Variants in SDK1 observed in about 807,000 individuals in gnomAD.
SDK1 encodes protein sidekick-1.
Under a neutral mutation model 245.5 loss-of-function variants are expected in SDK1, and 157 were observed. That is an observed-to-expected ratio of 0.64 (90% CI 0.56 to 0.73). The LOEUF is 0.73. SDK1 is among the 30% of genes least tolerant of loss of function. The pLI, the probability that SDK1 is intolerant of heterozygous loss-of-function variation, is 0.00. For synonymous variants in SDK1, 1,647 were observed against 1,278.5 expected (o/e 1.29, Z -6.15); for missense variants, 3,583 against 3,002.3 (o/e 1.19, Z -4.52).
At chr7:3,773,593 T>G (rs1249321415) in intron 4 of SDK1, among the ~76,000 whole-genome samples, 2 of 152,194 alleles carry the variant, frequency 1.3e-5, no homozygotes, top group African/African-American at 2.4e-5. Context: ...ACTTTCTTAT[T>G]TCTTTGTATG....
At chr7:3,940,896 A>G (rs1780342341) in intron 5 of SDK1, among the ~76,000 whole-genome samples, 1 of 151,776 alleles carries the variant, frequency 6.6e-6, no homozygotes, top group African/African-American at 2.4e-5. Context: ...CACTCCTCAC[A>G]CTCTCATGGA....
At chr7:3,962,084 CAT>C (rs1781741983) in intron 8 of SDK1, among the ~76,000 whole-genome samples, 1 of 152,176 alleles carries the variant, frequency 6.6e-6, no homozygotes, top group African/African-American at 2.4e-5. Flanking sequence ...CATGCACATA[CAT>C]ATACACACAC....
chr7:3,340,198 C>G (rs1391633155), intron 1 of SDK1, among the ~76,000 whole-genome samples: 1 of 151,752 alleles, frequency 6.6e-6, no homozygotes, highest in Non-Finnish European at 1.5e-5. Context: ...TGTAGGCATA[C>G]CTCAGAGATG....
intron 1 of SDK1, among the ~76,000 whole-genome samples, chr7:3,381,855 G>T (rs182298176): frequency 1.4e-4 from 22 of 152,288 alleles, no homozygotes; most frequent in Non-Finnish European, 2.8e-4. Flanking sequence ...GTGTATGTCT[G>T]TAGAGTGCCA....
rs565756985 is a variant in SDK1, at chr7:4,226,964, T to C, written c.5827+5600T>C. ...TTTTTTTTTTTTCTTAAATAATGTG[T>C]GTAGCCCAGAGACGAGGGCAGGTGG... On this transcript the variant is annotated intron_variant, in intron 40 of 44. Transcript: ENST00000404826. 1.0e-3 allele frequency among the ~76,000 whole-genome samples: 152 copies of C among 151,556 alleles called. 1 individual carries two copies. Among genetic ancestry groups the C allele is most frequent in the African/African-American group, 3.6e-3 (149 of 41,200 alleles).
In SDK1 at chr7:4,266,897, C is replaced by T. The variant is rs1583211520; in HGVS notation, c.*1513C>T. ...CAGTGCACGGCAAACGGGCAGGTGC[C>T]GTTCCCCCAGTGACCTGAGGGTAGG... is the stretch of plus-strand genomic sequence containing the variant. On this transcript the variant is annotated 3_prime_UTR_variant, in exon 45 of 45. Coordinates refer to ENST00000404826, the MANE Select transcript of SDK1 (RefSeq NM_152744.4). 5 of 985,404 alleles carry T rather than the reference C, an allele frequency of 5.1e-6. No homozygotes were observed. Among genetic ancestry groups the T allele is most frequent in the South Asian group, 4.7e-5 (1 of 21,294 alleles). 61.0% of individuals were successfully genotyped at this position (985,404 alleles called of 1,614,324 possible). A position where few individuals can be genotyped will look rare whatever the true frequency, so the allele number is the denominator to read the frequency against.
At chr7:4,093,521 T>G (rs992676011) in intron 22 of SDK1, among the ~76,000 whole-genome samples, 1 of 150,104 alleles carries the variant, frequency 6.7e-6, no homozygotes, top group African/African-American at 2.4e-5. Flanking sequence ...ATAGTAGCCA[T>G]TTTCTTAGAA....
At position 4,118,580 on chromosome 7, in the gene SDK1, G is replaced by A. The variant is rs537025154; in HGVS notation, c.3823+4306G>A. Among the ~76,000 whole-genome samples, 118 of 152,310 alleles carry A rather than the reference G, an allele frequency of 7.7e-4. 1 individual carries two copies. Among genetic ancestry groups the A allele is most frequent in the African/African-American group, 2.8e-3 (116 of 41,554 alleles). ...ACAAAGCAACTCTACTCCTAGGTAT[G>A]TACCCAAGAGAGCAGAAAACATATG... On this transcript the variant is annotated intron_variant, in intron 25 of 44. Coordinates refer to ENST00000404826, the MANE Select transcript of SDK1 (RefSeq NM_152744.4).
At chr7:3,578,958 A>G (rs1266524736) in intron 1 of SDK1, among the ~76,000 whole-genome samples, 3 of 151,982 alleles carry the variant, frequency 2.0e-5, no homozygotes, top group Non-Finnish European at 2.9e-5. Flanking sequence ...AGATTAAAGT[A>G]AGACAGGTGT....
intron 2 of SDK1, among the ~76,000 whole-genome samples, chr7:3,638,430 T>C (rs1365123143): frequency 1.3e-5 from 2 of 151,842 alleles, no homozygotes; most frequent in Admixed American, 6.6e-5. Context: ...GTGGCACATA[T>C]ACACCATGGA....
chr7:3,668,225 G>T (rs1039136258), intron 4 of SDK1, among the ~76,000 whole-genome samples: 1 of 152,198 alleles, frequency 6.6e-6, no homozygotes, highest in Non-Finnish European at 1.5e-5. Flanking sequence ...AATTTGAGCA[G>T]GAGTGGGAAG....
chr7:3,836,841 C>G (rs980384234), intron 5 of SDK1, among the ~76,000 whole-genome samples: 3 of 152,122 alleles, frequency 2.0e-5, no homozygotes, highest in Non-Finnish European at 4.4e-5. Flanking sequence ...TTTCTCAGTT[C>G]TGAAAACTGG....
intron 1 of SDK1, among the ~76,000 whole-genome samples, chr7:3,586,467 G>A (rs28649203): frequency 1.1e-4 from 16 of 151,560 alleles, no homozygotes; most frequent in African/African-American, 3.9e-4. Context: ...GGAGGCCGAG[G>A]TGGGTGGATC....
At chr7:4,077,425 C>T (rs1396850192) in intron 21 of SDK1, among the ~76,000 whole-genome samples, 1 of 152,234 alleles carries the variant, frequency 6.6e-6, no homozygotes, top group African/African-American at 2.4e-5. Context: ...TTGGCCTCAG[C>T]CAGTTCCCAG....
chr7:3,651,714 T>C (rs1783019420), intron 4 of SDK1, among the ~76,000 whole-genome samples: 1 of 152,164 alleles, frequency 6.6e-6, no homozygotes, highest in Non-Finnish European at 1.5e-5. Flanking sequence ...AATCCAAATC[T>C]ATACATATTA....
At chr7:3,915,307 T>C (rs1282244364) in intron 5 of SDK1, among the ~76,000 whole-genome samples, 3 of 152,164 alleles carry the variant, frequency 2.0e-5, no homozygotes, top group Non-Finnish European at 2.9e-5. Context: ...CTGAAGAGCA[T>C]GTACCCTGAT....
At chr7:3,550,467 C>T (rs28451147) in intron 1 of SDK1, among the ~76,000 whole-genome samples, 37,915 of 152,108 alleles carry the variant, frequency 0.25, 4,940 homozygotes, top group East Asian at 0.35. Flanking sequence ...CCTCATGTCC[C>T]CTTTACCTTC....
intron 1 of SDK1, among the ~76,000 whole-genome samples, chr7:3,521,760 C>T (rs968187914): frequency 1.1e-4 from 17 of 151,908 alleles, no homozygotes; most frequent in African/African-American, 3.4e-4. Flanking sequence ...AATGTGATAG[C>T]AGAGAGGCGA....
At chr7:3,423,835 C>T (rs1439699152) in intron 1 of SDK1, among the ~76,000 whole-genome samples, 2 of 151,956 alleles carry the variant, frequency 1.3e-5, no homozygotes, top group Non-Finnish European at 2.9e-5. Flanking sequence ...GTAAATAACA[C>T]AGAGTAAAAA....
Sources: allele counts gnomAD v4.1 joint callset (sites outside exome capture counted in the v4.1 genomes callset), GRCh38; gene constraint gnomAD v4.1.1; transcripts MANE v1.5; gene names NCBI Gene and HGNC (gene_info 2026-07-23, HGNC 2026-07-21).